Variants in RIMS2 observed in about 807,000 individuals in gnomAD.
RIMS2 encodes regulating synaptic membrane exocytosis protein 2.
In RIMS2, 59 loss-of-function variants were observed where a neutral mutation model predicts 174.4. The ratio of observed to expected loss-of-function variants is 0.34; its 90% CI spans 0.27 to 0.42. RIMS2 has a LOEUF of 0.42. Ranked by LOEUF, RIMS2 falls within the 10% of genes least tolerant of loss-of-function variation. RIMS2 has a pLI of 1.00. For synonymous variants in RIMS2, 606 were observed against 572.5 expected, an observed-to-expected ratio of 1.06 and a Z score of -0.84; for missense variants, 1,620 against 1,666.3, an observed-to-expected ratio of 0.97 and a Z score of 0.48.
At chr8:103,786,959 A>G (rs892142913) in intron 3 of RIMS2, among the ~76,000 whole-genome samples, 1 of 151,528 alleles carries the variant, frequency 6.6e-6, no homozygotes, top group South Asian at 2.1e-4. Flanking sequence ...GTGCTCCTAT[A>G]TTGGGTGCAT....
At chr8:103,964,606 T>G (rs2154546220) in intron 15 of RIMS2, among the ~76,000 whole-genome samples, 1 of 152,274 alleles carries the variant, frequency 6.6e-6, no homozygotes, top group East Asian at 1.9e-4. Context: ...TTTTCTCTCT[T>G]CTGTGGCTTC....
intron 9 of RIMS2, chr8:103,920,914 G>T (rs1164353921): frequency 9.3e-6 from 3 of 321,460 alleles, no homozygotes; most frequent in Non-Finnish European, 1.2e-5. Context: ...CAGGAGAATG[G>T]CGTGAACCCG....
chr8:103,945,048 T>C (rs1166394661), intron 14 of RIMS2, among the ~76,000 whole-genome samples: 15 of 152,200 alleles, frequency 9.9e-5, no homozygotes, highest in Non-Finnish European at 4.4e-5. Context: ...TAAGGGTTTT[T>C]CTTCATCCAG....
chr8:103,768,262 G>C, intron 3 of RIMS2: 1 of 549,346 alleles, frequency 1.8e-6, no homozygotes, highest in East Asian at 3.4e-5. Flanking sequence ...GTGCCTTGGA[G>C]GCATTCACCT....
intron 1 of RIMS2, among the ~76,000 whole-genome samples, chr8:103,590,255 A>T (rs2094186186): frequency 6.6e-6 from 1 of 151,316 alleles, no homozygotes; most frequent in African/African-American, 2.4e-5. Context: ...AAAGAGAAAA[A>T]CCTCAACGTG....
intron 19 of RIMS2, among the ~76,000 whole-genome samples, chr8:104,210,373 C>A (rs994861177): frequency 3.3e-5 from 5 of 152,116 alleles, no homozygotes; most frequent in Non-Finnish European, 7.4e-5. Flanking sequence ...GAAGAGTTTA[C>A]AGGTAGAAAT....
chr8:104,250,854 A>G (rs140333710), intron 22 of RIMS2, among the ~76,000 whole-genome samples, 170 bp from the exon 29 acceptor site: 1 of 152,342 alleles, frequency 6.6e-6, no homozygotes, highest in African/African-American at 2.4e-5. Flanking sequence ...TCCCTGAAAG[A>G]CACAGTTATC....
At chr8:103,857,117 G>A (rs2099032254) in intron 3 of RIMS2, among the ~76,000 whole-genome samples, 3 of 152,020 alleles carry the variant, frequency 2.0e-5, no homozygotes, top group African/African-American at 4.8e-5. Flanking sequence ...GCTGAGATAC[G>A]GTGTTACATA....
At chr8:104,251,249 C>A (rs2099358183) in intron 23 of RIMS2, 86 bp downstream of exon 29, 3 of 1,145,918 alleles carry the variant, frequency 2.6e-6, no homozygotes, top group Admixed American at 2.7e-5. Flanking sequence ...CTGTTGTATT[C>A]TTTTATGTTC....
intron 19 of RIMS2, among the ~76,000 whole-genome samples, chr8:104,133,536 C>T (rs973806893): frequency 2.6e-5 from 4 of 152,052 alleles, no homozygotes; most frequent in Non-Finnish European, 4.4e-5. Flanking sequence ...TTCCCAAGTA[C>T]AATGAGAAGA....
At chr8:103,878,593 C>A (rs1197574369) in intron 3 of RIMS2, among the ~76,000 whole-genome samples, 1 of 151,722 alleles carries the variant, frequency 6.6e-6, no homozygotes, top group Non-Finnish European at 1.5e-5. Flanking sequence ...TAGCATGAGT[C>A]AGGTAGGATT....
intron 1 of RIMS2, among the ~76,000 whole-genome samples, chr8:103,587,045 GA>G (rs2093960587): frequency 6.6e-6 from 1 of 151,790 alleles, no homozygotes; most frequent in Non-Finnish European, 1.5e-5. Flanking sequence ...CTGAATGAAT[GA>G]AAAAACAAGA....
At chr8:104,084,524 C>T (rs2097500486) in intron 19 of RIMS2, among the ~76,000 whole-genome samples, 1 of 150,924 alleles carries the variant, frequency 6.6e-6, no homozygotes, top group Non-Finnish European at 1.5e-5. Context: ...TTATCCTACT[C>T]TAAGTAAATA....
At chr8:103,515,741 C>G (rs1828672788) in intron 1 of RIMS2, among the ~76,000 whole-genome samples, 1 of 152,010 alleles carries the variant, frequency 6.6e-6, no homozygotes, top group Admixed American at 6.6e-5. Flanking sequence ...TTCTACTTGT[C>G]ATCGCAAATT....
At chr8:103,683,737 T>C (rs934411186) in intron 1 of RIMS2, among the ~76,000 whole-genome samples, 11 of 152,180 alleles carry the variant, frequency 7.2e-5, no homozygotes, top group Non-Finnish European at 1.3e-4. Flanking sequence ...GTCAAATTTC[T>C]ACACTTGGAA....
intron 19 of RIMS2, among the ~76,000 whole-genome samples, chr8:104,106,793 G>A (rs1288978162): frequency 6.6e-6 from 1 of 152,158 alleles, no homozygotes; most frequent in Non-Finnish European, 1.5e-5. Context: ...ATTCTGACCA[G>A]TGATTCCCTC....
chr8:103,547,070 C>T (rs1458650511), intron 1 of RIMS2, among the ~76,000 whole-genome samples: 1 of 152,046 alleles, frequency 6.6e-6, no homozygotes, highest in African/African-American at 2.4e-5. Flanking sequence ...ACAAATTGAC[C>T]AAGTCGGCAG....
chr8:103,860,163 T>C (rs996282866), intron 3 of RIMS2, among the ~76,000 whole-genome samples: 5 of 152,076 alleles, frequency 3.3e-5, no homozygotes, highest in Non-Finnish European at 7.4e-5. Flanking sequence ...TGGAGAAAAA[T>C]AATAATATTC....
intron 1 of RIMS2, among the ~76,000 whole-genome samples, chr8:103,551,489 TATC>T (rs749194019): frequency 1.3e-5 from 2 of 152,192 alleles, no homozygotes; most frequent in Admixed American, 1.3e-4. Context: ...TCACAGCCAA[TATC>T]ATACTGAATG....
Sources: gnomAD v4.1 joint callset for allele counts (sites outside exome capture counted in the v4.1 genomes callset) on GRCh38, gnomAD v4.1.1 for gene constraint, MANE v1.5 for transcripts, NCBI Gene and HGNC (gene_info 2026-07-23, HGNC 2026-07-21) for gene names.